ANKRD45: variants seen among roughly 807,000 people sequenced by gnomAD.
ANKRD45 encodes ankyrin repeat domain 45.
A neutral mutation model predicts 28.1 loss-of-function variants in ANKRD45; 21 were observed. The observed-to-expected ratio is 0.75, with a 90% CI of 0.53 to 1.08. The LOEUF (loss-of-function observed/expected upper bound fraction) is 1.08. Among genes scored for constraint, ANKRD45 ranks in the 50% least tolerant of loss-of-function variants. ANKRD45 has a pLI of 0.00. For missense variants in ANKRD45, 261 were observed against 308.7 expected, an observed-to-expected ratio of 0.85 and a Z score of 1.16; for synonymous variants, 86 against 103.9, an observed-to-expected ratio of 0.83 and a Z score of 1.05.
intron 5 of ANKRD45, among the ~76,000 whole-genome samples, chr1:173,621,532 A>G (rs1189767300): frequency 6.6e-6 from 1 of 152,252 alleles, no homozygotes; most frequent in Non-Finnish European, 1.5e-5. Context: ...AATTCATCAC[A>G]TAAGCAGAAC....
At chr1:173,696,935 T>G in the ANKRD45 span, among the ~76,000 whole-genome samples, 13 of 152,192 alleles carry the variant, frequency 8.5e-5, no homozygotes, top group East Asian at 2.5e-3. Flanking sequence ...ATTAGATGAA[T>G]GGCTAACTAG....
At chr1:173,689,324 G>A in the ANKRD45 span, among the ~76,000 whole-genome samples, 4 of 152,130 alleles carry the variant, frequency 2.6e-5, no homozygotes, top group Admixed American at 6.6e-5. Context: ...AAGAGGGTTC[G>A]GACCCTTTAT....
intron 3 of ANKRD45, among the ~76,000 whole-genome samples, chr1:173,632,572 T>A (rs1183358607): frequency 6.8e-6 from 1 of 147,520 alleles, no homozygotes; most frequent in Non-Finnish European, 1.5e-5. Context: ...TACAAGCCAA[T>A]CTCCCTGATG....
chr1:173,627,044 G>T (rs1667970634), intron 4 of ANKRD45, 21 bp downstream of exon 4: 2 of 1,528,942 alleles, frequency 1.3e-6, no homozygotes, highest in Non-Finnish European at 1.8e-6. Flanking sequence ...TACAGAACAA[G>T]CAATAATCAC....
the ANKRD45 span, among the ~76,000 whole-genome samples, chr1:173,692,685 C>A: frequency 6.6e-6 from 1 of 152,160 alleles, no homozygotes; most frequent in Non-Finnish European, 1.5e-5. Flanking sequence ...AATGCTTTTA[C>A]TAAAACATGA....
chr1:173,633,798 G>T (rs1224954298), intron 3 of ANKRD45, among the ~76,000 whole-genome samples: 2 of 151,996 alleles, frequency 1.3e-5, no homozygotes, highest in Non-Finnish European at 2.9e-5. Context: ...GCAGAAGAAT[G>T]AAACTCGACC....
chr1:173,715,185 G>T, the ANKRD45 span: 1 of 152,390 alleles, frequency 6.6e-6, no homozygotes, highest in East Asian at 1.9e-4. Context: ...GGGTCAGGTC[G>T]GTCGCCTGTC....
the ANKRD45 span, among the ~76,000 whole-genome samples, chr1:173,688,395 CCTCTCTCTGCCTCTTCCT>C: frequency 1.6e-4 from 19 of 119,228 alleles, no homozygotes; most frequent in South Asian, 7.8e-4. Flanking sequence ...TCTGCCTCTT[CCTCTCTCTGCCTCTTCCT>C]CTCTCTCTGC....
chr1:173,662,796 T>C (rs1669836763), intron 1 of ANKRD45, among the ~76,000 whole-genome samples: 1 of 152,066 alleles, frequency 6.6e-6, no homozygotes, highest in Non-Finnish European at 1.5e-5. Context: ...TACAATGCGG[T>C]GTGGCTACCC....
chr1:173,612,133 A>G (rs1438008040), intron 5 of ANKRD45, among the ~76,000 whole-genome samples: 2 of 152,036 alleles, frequency 1.3e-5, no homozygotes, highest in South Asian at 2.1e-4. Context: ...ACTCCCAGCT[A>G]CTTCAGAGGC....
Position 173,634,373 on chromosome 1 carries a change from T to G in ANKRD45, c.497-7214A>C, listed in dbSNP as rs149427406. Among the ~76,000 whole-genome samples the G allele has an allele frequency of 1.2e-4, 19 of 152,090 alleles. No homozygotes were observed. In the East Asian group the frequency reaches 3.5e-3, roughly 28 times the overall value. ...TCTCCCTACTAGAAAGTAAACTCCA[T>G]GAAGGTAATGATTCTGTTTTGGGCT... On this transcript the variant is annotated intron_variant, in intron 3 of 5. Coordinates refer to ENST00000333279, the MANE Select transcript of ANKRD45 (RefSeq NM_198493.3).
chr1:173,712,846 C>T, the ANKRD45 span, among the ~76,000 whole-genome samples: 1 of 152,132 alleles, frequency 6.6e-6, no homozygotes, highest in Non-Finnish European at 1.5e-5. Flanking sequence ...GCACTATAAT[C>T]ACCTGGAGAA....
chr1:173,662,665 A>G (rs1669828774), intron 1 of ANKRD45, among the ~76,000 whole-genome samples: 1 of 152,164 alleles, frequency 6.6e-6, no homozygotes, highest in Admixed American at 6.6e-5. Context: ...AAGAATGGGG[A>G]AATCACCTAG....
rs528754985 is a variant in ANKRD45 at position 173,664,966 on chromosome 1, T to C, written c.-16+4851A>G. ...ACTGGGCAATTTACATACTCTTTTG[T>C]AGGAATAACACTAGAGCCTAGTCTA... On this transcript the variant is annotated intron_variant, in intron 1 of 5. Coordinates refer to ENST00000333279, the MANE Select transcript of ANKRD45 (RefSeq NM_198493.3). 9.9e-5 allele frequency among the ~76,000 whole-genome samples: 15 copies of C among 152,256 alleles called. No individual in the cohort carries two copies. The East Asian group carries it at 2.9e-3, about 29-fold the overall frequency.
At chr1:173,708,137 G>C in the ANKRD45 span, among the ~76,000 whole-genome samples, 1 of 152,076 alleles carries the variant, frequency 6.6e-6, no homozygotes, top group African/African-American at 2.4e-5. Context: ...ATTCTCATTT[G>C]TCTTTTCTTC....
At chr1:173,615,301 C>T (rs777269494) in intron 5 of ANKRD45, among the ~76,000 whole-genome samples, 16 of 150,140 alleles carry the variant, frequency 1.1e-4, no homozygotes, top group Admixed American at 3.3e-4. Context: ...AGGAGAATCG[C>T]TTGAACCAGG....
chr1:173,634,041 G>C (rs1291416793), intron 3 of ANKRD45, among the ~76,000 whole-genome samples: 2 of 151,972 alleles, frequency 1.3e-5, no homozygotes, highest in African/African-American at 4.8e-5. Flanking sequence ...TCAACGAAGT[G>C]AAGAGGCAAC....
intron 3 of ANKRD45, among the ~76,000 whole-genome samples, 187 bp from the exon 4 acceptor site, chr1:173,627,346 A>C (rs1345866075): frequency 6.6e-6 from 1 of 152,188 alleles, no homozygotes; most frequent in Non-Finnish European, 1.5e-5. Context: ...TCCTTTTAAC[A>C]TCATATTAAG....
rs1414204356 is a variant in ANKRD45, at chr1:173,611,616, CACACAA to C, written c.731-1407_731-1402del. Reference sequence around the variant, plus strand: ...ACACACACACACACACACACACACACACACAATAAAAATATATATCTCAAAATACAT... The same window carrying C: ...ACACACACACACACACACACACACACTAAAAATATATATCTCAAAATACAT... On this transcript the variant is annotated intron_variant, in intron 5 of 5. Coordinates refer to ENST00000333279, the MANE Select transcript of ANKRD45 (RefSeq NM_198493.3). Among the ~76,000 whole-genome samples the C allele has an allele frequency of 1.6e-3, 137 of 88,002 alleles. 2 individuals carry two copies. The highest frequency in any genetic ancestry group is 8.1e-3 in the Middle Eastern group (1 of 124). The allele number at this position is 88,002 out of a possible 152,430, so 57.7% of individuals were successfully genotyped here.
Sources: gnomAD v4.1 joint callset for allele counts (sites outside exome capture counted in the v4.1 genomes callset) on GRCh38, gnomAD v4.1.1 for gene constraint, MANE v1.5 for transcripts, NCBI Gene and HGNC (gene_info 2026-07-23, HGNC 2026-07-21) for gene names.